USP28: variants seen among roughly 807,000 people sequenced by gnomAD.
USP28 encodes the protein ubiquitin specific peptidase 28.
In USP28, 113 loss-of-function variants were observed where a neutral mutation model predicts 145.0. That is an observed-to-expected ratio of 0.78 (90% CI 0.67 to 0.91). The LOEUF is 0.91. USP28 is among the 40% of genes least tolerant of loss of function. USP28 has a pLI of 0.00. For synonymous variants in USP28, 447 were observed against 450.9 expected (o/e 0.99, Z 0.11); for missense variants, 1,201 against 1,289.6 (o/e 0.93, Z 1.05).
chr11:113,831,726 A>T (rs1310019787), intron 8 of USP28, among the ~76,000 whole-genome samples, 194 bp downstream of exon 8: 1 of 152,218 alleles, frequency 6.6e-6, no homozygotes, highest in Non-Finnish European at 1.5e-5. Context: ...CTGCAGGATA[A>T]GATGACTGGT....
chr11:113,806,098 A>T (rs141267209), intron 19 of USP28, among the ~76,000 whole-genome samples: 6 of 35,460 alleles, frequency 1.7e-4, no homozygotes, highest in Non-Finnish European at 2.6e-4. Flanking sequence ...CCAGCTAATT[A>T]AAAAAAAAAA....
At chr11:113,821,321 G>A (rs1450969465) in intron 12 of USP28, 7 of 226,212 alleles carry the variant, frequency 3.1e-5, no homozygotes. Context: ...ATGGAACCAA[G>A]AAAGTAACAT....
chr11:113,810,061 T>A (rs1441890229), intron 16 of USP28, among the ~76,000 whole-genome samples: 1 of 149,796 alleles, frequency 6.7e-6, no homozygotes, highest in Non-Finnish European at 1.5e-5. Flanking sequence ...AAAAAAAGAT[T>A]TGGAAACTGG....
rs1056550649 is a variant in USP28 at position 113,815,451 on chromosome 11, T to C, written c.1464-69A>G. The C allele has an allele frequency of 3.5e-5, 50 of 1,446,494 alleles. No homozygotes were observed. In the Admixed American group the frequency reaches 9.5e-4, roughly 27 times the overall value. The allele number at this position is 1,446,494 out of a possible 1,614,324, so 89.6% of individuals were successfully genotyped here. A position where few individuals can be genotyped will look rare whatever the true frequency, so the allele number is the denominator to read the frequency against. ...ATACCTTGGCCTAAATTATGTACTT[T>C]GGAAAGCAAGATGCTATATGAAAAA... On this transcript the variant is annotated intron_variant, in intron 13 of 24. Coordinates refer to ENST00000003302, the Ensembl canonical transcript of USP28.
intron 9 of USP28, chr11:113,829,552 G>A (rs1372739380): frequency 5.2e-6 from 3 of 576,282 alleles, no homozygotes; most frequent in African/African-American, 1.9e-5. Context: ...AAGACCAGGG[G>A]CTTCGTGGCT....
intron 13 of USP28, among the ~76,000 whole-genome samples, chr11:113,816,215 TA>T (rs968455269): frequency 6.6e-6 from 1 of 151,320 alleles, no homozygotes; most frequent in Non-Finnish European, 1.5e-5. Context: ...TACTTTGACT[TA>T]AAAAAAAACT....
At chr11:113,815,023 G>C (rs1941508538) in intron 14 of USP28, 151 bp downstream of exon 14, 1 of 735,244 alleles carries the variant, frequency 1.4e-6, no homozygotes, top group South Asian at 1.9e-5. Context: ...CTGCACTCCA[G>C]CCTGGGTGAT....
At chr11:113,869,650 G>A (rs1276710124) in intron 1 of USP28, among the ~76,000 whole-genome samples, 1 of 152,142 alleles carries the variant, frequency 6.6e-6, no homozygotes, top group Non-Finnish European at 1.5e-5. Flanking sequence ...TTCACACCTT[G>A]CTGGGTTTTT....
At chr11:113,823,508 T>A in intron 12 of USP28, 97 bp downstream of exon 12, 1 of 957,186 alleles carries the variant, frequency 1.0e-6, no homozygotes, top group Non-Finnish European at 1.5e-6. Flanking sequence ...AATATTCTAG[T>A]TAATATTTAA....
intron 3 of USP28, among the ~76,000 whole-genome samples, chr11:113,842,457 C>G (rs984648749): frequency 4.6e-5 from 7 of 151,672 alleles, no homozygotes; most frequent in African/African-American, 1.7e-4. Context: ...TGGTGGCGGG[C>G]GCCTGTAGTC....
intron 1 of USP28, among the ~76,000 whole-genome samples, chr11:113,860,125 G>A (rs1947499173): frequency 1.3e-5 from 2 of 152,098 alleles, no homozygotes. Context: ...CAGTAACTAG[G>A]TTAAAACTCT....
At chr11:113,862,949 G>A (rs1156441284) in intron 1 of USP28, among the ~76,000 whole-genome samples, 1 of 152,102 alleles carries the variant, frequency 6.6e-6, no homozygotes, top group African/African-American at 2.4e-5. Flanking sequence ...ATGGTGAAAG[G>A]CTGAAAGCTT....
At chr11:113,841,813 C>A in intron 3 of USP28, 45 bp from the exon 4 acceptor site, 1 of 1,308,884 alleles carries the variant, frequency 7.6e-7, no homozygotes. Context: ...ATAGGAAACA[C>A]TGCCCTTCTG....
chr11:113,835,304 C>A (rs954748291), intron 5 of USP28: 1 of 455,846 alleles, frequency 2.2e-6, no homozygotes. Context: ...CAGGCCTGCA[C>A]GGTGGAACTC....
chr11:113,812,632 A>G, intron 15 of USP28, 128 bp from the exon 16 acceptor site: 1 of 827,156 alleles, frequency 1.2e-6, no homozygotes, highest in Non-Finnish European at 1.9e-6. Context: ...TTGTTGATTC[A>G]AGATGAAGTC....
At chr11:113,830,728 A>G in intron 9 of USP28, 139 bp downstream of exon 9, 1 of 666,918 alleles carries the variant, frequency 1.5e-6, no homozygotes, top group Non-Finnish European at 2.5e-6. Context: ...AGTTAAACAG[A>G]TACCAAGAGG....
chr11:113,839,027 A>C (rs1405459288), intron 5 of USP28, among the ~76,000 whole-genome samples: 2 of 152,198 alleles, frequency 1.3e-5, no homozygotes, highest in Non-Finnish European at 2.9e-5. Context: ...ACTACCCTCT[A>C]GTGAATTCAT....
In USP28 at chr11:113,852,445, GTTTGTT is replaced by G. The variant is rs1344729950; in HGVS notation, c.268+50_268+55del. ...TTGACAGGGAACTCACATATACTTGGTTTGTTATTTTCTGCTAGTTCAGCAAAGGAC... is the reference window on the plus strand; with the variant it reads ...TTGACAGGGAACTCACATATACTTGGATTTTCTGCTAGTTCAGCAAAGGAC... On this transcript the variant is annotated intron_variant, in intron 3 of 24. Transcript: ENST00000003302. 1.9e-6 allele frequency: 3 copies of G among 1,606,140 alleles called. No homozygotes were observed. The African/African-American group carries it at 4.1e-5, about 22-fold the overall frequency.
intron 3 of USP28, among the ~76,000 whole-genome samples, chr11:113,843,915 C>A (rs1945515777): frequency 6.6e-6 from 1 of 151,950 alleles, no homozygotes; most frequent in Non-Finnish European, 1.5e-5. Context: ...CAACTGAACA[C>A]CACATGCAAA....
Sources: allele counts gnomAD v4.1 joint callset (sites outside exome capture counted in the v4.1 genomes callset), GRCh38; gene constraint gnomAD v4.1.1; transcripts MANE v1.5; gene names NCBI Gene and HGNC (gene_info 2026-07-23, HGNC 2026-07-21).